Variants in PHF24 observed in about 807,000 individuals in gnomAD.
PHF24 encodes PHD finger protein 24, also known as Galpha inhibitory interacting protein.
PHF24 carries 25 observed loss-of-function variants against 42.6 expected under a neutral mutation model. The ratio of observed to expected loss-of-function variants is 0.59; its 90% CI spans 0.43 to 0.82. The LOEUF (loss-of-function observed/expected upper bound fraction) is 0.82. PHF24 is among the 40% of genes least tolerant of loss of function. PHF24 has a pLI of 0.00. For synonymous variants in PHF24, 185 were observed against 204.8 expected, an observed-to-expected ratio of 0.90 and a Z score of 0.83; for missense variants, 470 against 538.1, an observed-to-expected ratio of 0.87 and a Z score of 1.25.
chr9:34,894,901 G>A, the PHF24 span: 1 of 396,844 alleles, frequency 2.5e-6, no homozygotes. Context: ...AGTCTTCCAT[G>A]AGAAATTGTC....
chr9:34,801,644 G>A, the PHF24 span, among the ~76,000 whole-genome samples: 2 of 152,050 alleles, frequency 1.3e-5, no homozygotes, highest in East Asian at 1.9e-4. Flanking sequence ...GGAGAATGGC[G>A]TGAACCTGGG....
At chr9:34,971,239 A>G (rs756285080) in intron 1 of PHF24, 56 bp from the exon 2 acceptor site, 63 of 1,533,484 alleles carry the variant, frequency 4.1e-5, no homozygotes, top group Non-Finnish European at 5.5e-5. Context: ...GAAACTGATT[A>G]GCCTGACATC....
the PHF24 span, among the ~76,000 whole-genome samples, chr9:34,883,134 A>G: frequency 2.0e-5 from 3 of 152,222 alleles, no homozygotes; most frequent in South Asian, 4.1e-4. Flanking sequence ...TATTTAATAG[A>G]TGGTGCTGGG....
chr9:34,719,240 C>T, the PHF24 span, among the ~76,000 whole-genome samples: 4 of 152,140 alleles, frequency 2.6e-5, no homozygotes, highest in South Asian at 4.1e-4. Context: ...GGTTTCACTA[C>T]GTTGGCCAGA....
the PHF24 span, among the ~76,000 whole-genome samples, chr9:34,672,471 G>C: frequency 2.0e-5 from 3 of 151,970 alleles, no homozygotes; most frequent in Admixed American, 1.3e-4. Context: ...CCTAAATCTG[G>C]GTAATTTATA....
chr9:34,729,814 G>A, the PHF24 span, among the ~76,000 whole-genome samples: 1 of 152,218 alleles, frequency 6.6e-6, no homozygotes, highest in Non-Finnish European at 1.5e-5. Flanking sequence ...GGGTAGATAG[G>A]CCGGAGGAAC....
At chr9:34,891,953 A>G in the PHF24 span, among the ~76,000 whole-genome samples, 1 of 152,074 alleles carries the variant, frequency 6.6e-6, no homozygotes, top group Non-Finnish European at 1.5e-5. Context: ...AATGTGGGGG[A>G]AAAGGTGGGG....
At chr9:34,719,094 C>T in the PHF24 span, among the ~76,000 whole-genome samples, 24 of 152,264 alleles carry the variant, frequency 1.6e-4, no homozygotes, top group South Asian at 1.2e-3. Flanking sequence ...TGCAGTGGCA[C>T]GATCTTGATC....
At chr9:34,816,783 T>TTTC in the PHF24 span, among the ~76,000 whole-genome samples, 1 of 152,160 alleles carries the variant, frequency 6.6e-6, no homozygotes, top group Admixed American at 6.5e-5. Flanking sequence ...GGAGTAGACG[T>TTTC]TTCTTCTTCA....
chr9:34,791,709 G>T, the PHF24 span, among the ~76,000 whole-genome samples: 4 of 152,218 alleles, frequency 2.6e-5, no homozygotes, highest in African/African-American at 9.6e-5. Flanking sequence ...GCCTCAGAAG[G>T]CTTGTTAAAA....
At chr9:34,832,468 G>A in the PHF24 span, 146 of 1,507,452 alleles carry the variant, frequency 9.7e-5, no homozygotes, top group Non-Finnish European at 1.9e-5. Context: ...TTCTGAGCAC[G>A]ATGAGATTGG....
the PHF24 span, among the ~76,000 whole-genome samples, chr9:34,907,624 A>G: frequency 0.16 from 24,406 of 152,080 alleles, 2,616 homozygotes; most frequent in East Asian, 0.49. Context: ...CTGTAATACA[A>G]CATTTATCGG....
the PHF24 span, among the ~76,000 whole-genome samples, chr9:34,816,177 C>T: frequency 6.6e-6 from 1 of 152,036 alleles, no homozygotes; most frequent in Non-Finnish European, 1.5e-5. Context: ...ACTGGAACTT[C>T]TGCATACACC....
At chr9:34,814,950 A>G in the PHF24 span, among the ~76,000 whole-genome samples, 2 of 152,148 alleles carry the variant, frequency 1.3e-5, no homozygotes, top group Non-Finnish European at 2.9e-5. Flanking sequence ...CATGTTGGCC[A>G]GGCTAGTCTC....
chr9:34,903,012 A>G, the PHF24 span, among the ~76,000 whole-genome samples: 1 of 152,206 alleles, frequency 6.6e-6, no homozygotes, highest in Non-Finnish European at 1.5e-5. Context: ...ACCCAGTGCC[A>G]GGCCTGTTAT....
chr9:34,809,420 C>T, the PHF24 span, among the ~76,000 whole-genome samples: 1 of 152,168 alleles, frequency 6.6e-6, no homozygotes, highest in African/African-American at 2.4e-5. The surrounding 1 kb of genome is among the most constrained non-coding windows in gnomAD (Gnocchi z 4.1). Context: ...GCCTTCAGAA[C>T]GGCTGGCTGT....
At chr9:34,740,186 G>A in the PHF24 span, among the ~76,000 whole-genome samples, 8 of 152,212 alleles carry the variant, frequency 5.3e-5, no homozygotes, top group Non-Finnish European at 1.2e-4. Flanking sequence ...AGTGGATTCC[G>A]CACCGGGGCT....
At chr9:34,686,895 C>T in the PHF24 span, among the ~76,000 whole-genome samples, 265 of 152,192 alleles carry the variant, frequency 1.7e-3, 1 homozygote, top group African/African-American at 5.8e-3. Flanking sequence ...AGTGACTCAC[C>T]GTGAAAGAGG....
At chr9:34,800,192 A>T in the PHF24 span, among the ~76,000 whole-genome samples, 2 of 152,222 alleles carry the variant, frequency 1.3e-5, no homozygotes, top group Non-Finnish European at 2.9e-5. Context: ...GGTCTTACAG[A>T]GACAAGGCAG....
Sources: gnomAD v4.1 joint callset for allele counts (sites outside exome capture counted in the v4.1 genomes callset) on GRCh38, gnomAD v4.1.1 for gene constraint, Gnocchi (gnomAD v3.1) non-coding constraint, MANE v1.5 for transcripts, NCBI Gene and HGNC (gene_info 2026-07-23, HGNC 2026-07-21) for gene names.